CCDC178: variants seen among roughly 807,000 people sequenced by gnomAD.
CCDC178 encodes the protein coiled-coil domain containing 178.
In CCDC178, 126 loss-of-function variants were observed where a neutral mutation model predicts 117.4. The observed-to-expected ratio is 1.07, with a 90% CI of 0.93 to 1.24. CCDC178 has a LOEUF of 1.24. Among genes scored for constraint, CCDC178 ranks in the 50% most tolerant of loss-of-function variants. CCDC178 has a pLI of 0.00. For synonymous variants in CCDC178, 283 were observed against 313.4 expected (o/e 0.90, Z 1.02); for missense variants, 1,030 against 986.9 (o/e 1.04, Z -0.59).
intron 20 of CCDC178, among the ~76,000 whole-genome samples, chr18:33,135,265 A>T (rs1598918288): frequency 3.3e-5 from 5 of 152,258 alleles, no homozygotes; most frequent in African/African-American, 1.2e-4. Flanking sequence ...TAAATTTAAA[A>T]TTTTATTTCA....
At position 33,440,686 on chromosome 18, in the gene CCDC178, C is replaced by A. The variant is rs1164404899; in HGVS notation, c.-176G>T. ...CGCGTTTCCCCGCGCGTCTCCCGGA[C>A]CCGCGCCTGCCCACCCCTCCGGCTC... On this transcript the variant is annotated 5_prime_UTR_variant, in exon 1 of 23. Coordinates refer to ENST00000383096, the MANE Select transcript of CCDC178 (RefSeq NM_001105528.4). The A allele has an allele frequency of 6.6e-6, 1 of 152,314 alleles. No individual in the cohort carries two copies. The highest frequency in any genetic ancestry group is 1.5e-5 in the Non-Finnish European group (1 of 68,136). 9.4% of individuals were successfully genotyped at this position (152,314 alleles called of 1,614,324 possible).
intron 21 of CCDC178, among the ~76,000 whole-genome samples, chr18:33,084,186 C>T (rs192437790): frequency 6.6e-6 from 1 of 152,116 alleles, no homozygotes; most frequent in East Asian, 1.9e-4. Flanking sequence ...ACAAATATTC[C>T]CTCATTTTCT....
chr18:33,306,989 C>G (rs913180782), intron 11 of CCDC178, among the ~76,000 whole-genome samples: 2 of 152,156 alleles, frequency 1.3e-5, no homozygotes, highest in African/African-American at 4.8e-5. Flanking sequence ...TTGTAAGTTT[C>G]CTGAGGCCTC....
chr18:33,308,902 G>A (rs1355559264), intron 11 of CCDC178, among the ~76,000 whole-genome samples: 18 of 152,176 alleles, frequency 1.2e-4, no homozygotes, highest in Admixed American at 1.2e-3. Flanking sequence ...TTGCAGAACT[G>A]TGAATCAATT....
intron 21 of CCDC178, among the ~76,000 whole-genome samples, chr18:33,038,719 T>C (rs1345506745): frequency 6.6e-6 from 1 of 151,690 alleles, no homozygotes; most frequent in Non-Finnish European, 1.5e-5. Context: ...TAGAATGAGG[T>C]TGTCTAAGAA....
intron 14 of CCDC178, among the ~76,000 whole-genome samples, chr18:33,253,886 A>G (rs1205162945): frequency 1.3e-5 from 2 of 151,900 alleles, no homozygotes; most frequent in African/African-American, 4.8e-5. Flanking sequence ...AATAATACCT[A>G]TCATCAAAGT....
intron 1 of CCDC178, 110 bp from the exon 2 acceptor site, chr18:33,440,191 TA>T (rs2064358304): frequency 6.6e-6 from 1 of 151,584 alleles, no homozygotes; most frequent in African/African-American, 2.4e-5. Context: ...ATAATTATTT[TA>T]AAGGAATAAG....
At chr18:33,219,380 G>C (rs1230325496) in intron 18 of CCDC178, among the ~76,000 whole-genome samples, 2 of 152,052 alleles carry the variant, frequency 1.3e-5, no homozygotes, top group African/African-American at 4.8e-5. Context: ...ATTCCTCAAG[G>C]ATCTAGAACT....
intron 5 of CCDC178, among the ~76,000 whole-genome samples, chr18:33,389,132 C>T (rs1048212172): frequency 6.6e-6 from 1 of 151,776 alleles, no homozygotes; most frequent in African/African-American, 2.4e-5. Context: ...GCACATGTAC[C>T]CTGGAACTTA....
rs142866737 is a variant in CCDC178, at chr18:33,248,119, T to A, written c.1410-2691A>T. Among the ~76,000 whole-genome samples, 14 of 151,886 alleles carry A rather than the reference T, an allele frequency of 9.2e-5. No individual in the cohort carries two copies. The East Asian group carries it at 2.7e-3, about 29-fold the overall frequency. ...AGATACTTATTAAGGACATACAAAG[T>A]GATGTAATAAATGCCAAAAGAAAAT... On this transcript the variant is annotated intron_variant, in intron 14 of 22. Coordinates refer to ENST00000383096, the MANE Select transcript of CCDC178 (RefSeq NM_001105528.4).
intron 14 of CCDC178, among the ~76,000 whole-genome samples, chr18:33,252,391 C>T (rs927454973): frequency 2.0e-5 from 3 of 151,792 alleles, no homozygotes; most frequent in Non-Finnish European, 3.0e-5. Flanking sequence ...GGCTAACTAA[C>T]ATGTGGGTGA....
At chr18:33,257,303 T>A (rs2144733648) in intron 14 of CCDC178, among the ~76,000 whole-genome samples, 1 of 152,216 alleles carries the variant, frequency 6.6e-6, no homozygotes, top group African/African-American at 2.4e-5. Flanking sequence ...TTCACCCAGG[T>A]CCCAGAAGTA....
chr18:33,357,783 C>T (rs1377327766), intron 6 of CCDC178, among the ~76,000 whole-genome samples: 1 of 151,632 alleles, frequency 6.6e-6, no homozygotes, highest in Admixed American at 6.6e-5. Context: ...GTTCCCATAT[C>T]CTACCAAAAT....
At chr18:33,104,146 C>G (rs1473944417) in intron 20 of CCDC178, among the ~76,000 whole-genome samples, 2 of 151,724 alleles carry the variant, frequency 1.3e-5, no homozygotes, top group African/African-American at 4.8e-5. Flanking sequence ...AATGACACTG[C>G]CACTGCTCTC....
chr18:33,176,994 T>G (rs2058671171), intron 20 of CCDC178, among the ~76,000 whole-genome samples: 1 of 152,198 alleles, frequency 6.6e-6, no homozygotes, highest in African/African-American at 2.4e-5. Flanking sequence ...ATTTTCTTAT[T>G]TAAAGATTGA....
intron 20 of CCDC178, among the ~76,000 whole-genome samples, chr18:33,174,144 G>A (rs271468): frequency 0.16 from 24,493 of 151,782 alleles, 2,753 homozygotes; most frequent in African/African-American, 0.32. Context: ...GAGCAGGTAC[G>A]TCACACGGTG....
intron 11 of CCDC178, among the ~76,000 whole-genome samples, chr18:33,310,718 T>A (rs1283890525): frequency 6.6e-6 from 1 of 152,178 alleles, no homozygotes; most frequent in Non-Finnish European, 1.5e-5. Context: ...AGTTTAAGAT[T>A]GGCCCCCTAT....
At position 33,330,250 on chromosome 18, in the gene CCDC178, CTTATA is replaced by C. The variant is rs1482537904; in HGVS notation, c.879+2919_879+2923del. ...TACTAAGATATCACTTTTCTTCTAC[CTTATA>C]TTAGAGAGTTTTCATATTTTGGCTG... On this transcript the variant is annotated intron_variant, in intron 10 of 22. Coordinates refer to ENST00000383096, the MANE Select transcript of CCDC178 (RefSeq NM_001105528.4). Among the ~76,000 whole-genome samples, 4 of 152,082 alleles carry C rather than the reference CTTATA, an allele frequency of 2.6e-5. No individual in the cohort carries two copies. In the South Asian group the frequency reaches 6.2e-4, roughly 24 times the overall value.
Position 33,043,616 on chromosome 18 carries a change from A to C in CCDC178, c.2388+49145T>G, listed in dbSNP as rs2056589071. ...TGCTAATTAGCTATTTATATCTTAA[A>C]AACAAAATAATTTTGTATAAATTAA... On this transcript the variant is annotated intron_variant, in intron 21 of 22. Coordinates refer to ENST00000383096, the MANE Select transcript of CCDC178 (RefSeq NM_001105528.4). 2.0e-5 allele frequency among the ~76,000 whole-genome samples: 3 copies of C among 152,116 alleles called. No individual in the cohort carries two copies. In the South Asian group the frequency reaches 6.2e-4, roughly 31 times the overall value.
Sources: allele counts gnomAD v4.1 joint callset (sites outside exome capture counted in the v4.1 genomes callset), GRCh38; gene constraint gnomAD v4.1.1; transcripts MANE v1.5; gene names NCBI Gene and HGNC (gene_info 2026-07-23, HGNC 2026-07-21).